The following CENPP variants were observed in gnomAD, a reference collection of about 807,000 sequenced individuals.
CENPP encodes the protein centromere protein P.
A neutral mutation model predicts 35.6 loss-of-function variants in CENPP; 24 were observed. The ratio of observed to expected loss-of-function variants is 0.67; its 90% CI spans 0.49 to 0.95. The LOEUF is 0.95. Ranked by LOEUF, CENPP falls within the 40% of genes least tolerant of loss-of-function variation. The probability of loss-of-function intolerance (pLI) is 0.00; values close to 1 mark genes in which losing one functional copy is unlikely to be tolerated. For missense variants in CENPP, 332 were observed against 345.3 expected, an observed-to-expected ratio of 0.96 and a Z score of 0.31; for synonymous variants, 120 against 125.5, an observed-to-expected ratio of 0.96 and a Z score of 0.29.
At chr9:92,534,093 A>G (rs998912232) in intron 5 of CENPP, among the ~76,000 whole-genome samples, 1 of 152,072 alleles carries the variant, frequency 6.6e-6, no homozygotes, top group African/African-American at 2.4e-5. Flanking sequence ...GTTTTCTCCC[A>G]TGACTGTTCA....
At chr9:92,599,540 C>G (rs984834988) in intron 5 of CENPP, among the ~76,000 whole-genome samples, 25 of 152,260 alleles carry the variant, frequency 1.6e-4, no homozygotes, top group South Asian at 4.2e-4. Flanking sequence ...CCTCAACCTC[C>G]TGAATAGCTG....
Position 92,564,223 on chromosome 9 carries a change from C to T in CENPP, c.565-47091C>T, listed in dbSNP as rs1439792393. On this transcript the variant is annotated intron_variant, in intron 5 of 7. Coordinates refer to ENST00000375587, the MANE Select transcript of CENPP (RefSeq NM_001012267.3). ...CCAACATGGAGATACCCCATCTCTA[C>T]TAAAAACTACAAAAATTTAGCCAGG... Among the ~76,000 whole-genome samples the T allele has an allele frequency of 2.0e-5, 3 of 151,918 alleles. No individual in the cohort carries two copies. The East Asian group carries it at 5.8e-4, about 29-fold the overall frequency.
chr9:92,326,020 G>GT lies in CENPP; in HGVS notation c.23dup (p.Arg9AlafsTer6). On this transcript the variant is annotated frameshift_variant, in exon 1 of 8. Coordinates refer to ENST00000375587, the MANE Select transcript of CENPP (RefSeq NM_001012267.3). LOFTEE classifies it high-confidence loss of function. ...CGCCATGGACGCAGAGCTGGCAGAGGTGCGCGCCTTGCAAGCTGAGATCGC... is the reference window on the plus strand; with the variant it reads ...CGCCATGGACGCAGAGCTGGCAGAGGTTGCGCGCCTTGCAAGCTGAGATCGC... 3 of 1,554,870 alleles carry GT rather than the reference G, an allele frequency of 1.9e-6. No individual in the cohort carries two copies. The highest frequency in any genetic ancestry group is 2.6e-6 in the Non-Finnish European group (3 of 1,149,782).
At chr9:92,334,409 G>A (rs1265335523) in intron 2 of CENPP, among the ~76,000 whole-genome samples, 1 of 152,090 alleles carries the variant, frequency 6.6e-6, no homozygotes, top group African/African-American at 2.4e-5. Flanking sequence ...GTGAGCCCCT[G>A]CGCCTGGCCG....
At chr9:92,486,039 G>T (rs369282218) in intron 5 of CENPP, among the ~76,000 whole-genome samples, 1 of 152,208 alleles carries the variant, frequency 6.6e-6, no homozygotes, top group South Asian at 2.1e-4. Context: ...AAGAAAGGCC[G>T]TCCACCAATC....
chr9:92,565,301 A>G (rs1337088905), intron 5 of CENPP, among the ~76,000 whole-genome samples: 41 of 146,972 alleles, frequency 2.8e-4, no homozygotes, highest in South Asian at 6.4e-4. Flanking sequence ...GCTAAAAAAA[A>G]AAAAAAAAAA....
intron 5 of CENPP, among the ~76,000 whole-genome samples, chr9:92,565,798 C>T (rs1206056696): frequency 1.3e-5 from 2 of 152,036 alleles, no homozygotes; most frequent in African/African-American, 4.8e-5. Flanking sequence ...CACATATGCT[C>T]AGGGAAAGGT....
intron 5 of CENPP, among the ~76,000 whole-genome samples, chr9:92,531,232 G>T (rs987254461): frequency 6.6e-6 from 1 of 151,802 alleles, no homozygotes; most frequent in East Asian, 1.9e-4. Flanking sequence ...TTGTTGCTTG[G>T]TTTTTATTAT....
At position 92,540,951 on chromosome 9, in the gene CENPP, G is replaced by A. The variant is rs567190880; in HGVS notation, c.565-70363G>A. Among the ~76,000 whole-genome samples, 11 of 151,804 alleles carry A rather than the reference G, an allele frequency of 7.2e-5. No homozygotes were observed. The South Asian group carries it at 2.1e-3, about 29-fold the overall frequency. On this transcript the variant is annotated intron_variant, in intron 5 of 7. Transcript: ENST00000375587. ...AAAAGATTTAGAAAGCCAAAAGTTG[G>A]GGATTTTTTCTTTTTTAAAAAATGT... is the stretch of plus-strand genomic sequence containing the variant.
chr9:92,433,576 G>A (rs10115290), intron 5 of CENPP, among the ~76,000 whole-genome samples: 61,022 of 152,072 alleles, frequency 0.4, 14,370 homozygotes, highest in African/African-American at 0.65. Context: ...ATTATTATTT[G>A]TAAAACATCT....
At chr9:92,359,790 CTT>C (rs113627157) in intron 4 of CENPP, among the ~76,000 whole-genome samples, 21 of 137,024 alleles carry the variant, frequency 1.5e-4, no homozygotes, top group Admixed American at 2.2e-4. Flanking sequence ...GGACAGGGTC[CTT>C]TTTTTTTTTT....
chr9:92,352,354 C>T (rs1841470497), intron 4 of CENPP, among the ~76,000 whole-genome samples: 1 of 149,002 alleles, frequency 6.7e-6, no homozygotes, highest in African/African-American at 2.5e-5. Flanking sequence ...GGTGACAGAG[C>T]AAGACATCAT....
chr9:92,605,622 C>CGT (rs1851056810), intron 5 of CENPP, among the ~76,000 whole-genome samples: 1 of 152,120 alleles, frequency 6.6e-6, no homozygotes, highest in Non-Finnish European at 1.5e-5. Context: ...TGGACCCCTA[C>CGT]CTCACACCAT....
At position 92,436,117 on chromosome 9, in the gene CENPP, G is replaced by A. The variant is rs76269721; in HGVS notation, c.564+56258G>A. Among the ~76,000 whole-genome samples, 1,072 of 152,300 alleles carry A rather than the reference G, an allele frequency of 7.0e-3. 11 individuals carry two copies. The highest frequency in any genetic ancestry group is 0.022 in the African/African-American group (901 of 41,562). On this transcript the variant is annotated intron_variant, in intron 5 of 7. Coordinates refer to ENST00000375587, the MANE Select transcript of CENPP (RefSeq NM_001012267.3). ...TTAGCCATTCTAATAGGTATGTAGT[G>A]ATATATTACTGTAGTTTTAATTTGC...
At chr9:92,553,204 G>A (rs1205200562) in intron 5 of CENPP, among the ~76,000 whole-genome samples, 1 of 152,046 alleles carries the variant, frequency 6.6e-6, no homozygotes, top group Admixed American at 6.6e-5. Flanking sequence ...TTGCTTTGTC[G>A]AAGATCAGTT....
intron 5 of CENPP, among the ~76,000 whole-genome samples, chr9:92,477,325 G>T (rs879498355): frequency 1.3e-5 from 2 of 152,142 alleles, no homozygotes; most frequent in Non-Finnish European, 2.9e-5. Flanking sequence ...CTCATTATGT[G>T]TTTTGACTTA....
rs71362382 is a variant in CENPP, at chr9:92,372,099, C to CTTTTTT, written c.468-7637_468-7632dup. Among the ~76,000 whole-genome samples the CTTTTTT allele has an allele frequency of 7.4e-3, 227 of 30,684 alleles. 11 individuals carry two copies. Among genetic ancestry groups the CTTTTTT allele is most frequent in the African/African-American group, 0.018 (127 of 7,218 alleles). 20.1% of individuals were successfully genotyped at this position (30,684 alleles called of 152,430 possible). On this transcript the variant is annotated intron_variant, in intron 4 of 7. Coordinates refer to ENST00000375587, the MANE Select transcript of CENPP (RefSeq NM_001012267.3). Reference sequence around the variant, plus strand: ...AGGTGTAAGCCACCATGCCAGCCATCTTTTTTTTTTTTTTTTTTTTTTTTT... The same window carrying CTTTTTT: ...AGGTGTAAGCCACCATGCCAGCCATCTTTTTTTTTTTTTTTTTTTTTTTTTTTTTTT...
chr9:92,433,801 G>A (rs1262301802), intron 5 of CENPP, among the ~76,000 whole-genome samples: 1 of 152,040 alleles, frequency 6.6e-6, no homozygotes, highest in African/African-American at 2.4e-5. Flanking sequence ...GTACAGTGGT[G>A]CTTGCCTGTA....
In CENPP at chr9:92,617,681, G is replaced by A. The variant is rs745372797; in HGVS notation, c.*4532G>A. ...GGACACTGACCCGCTGGGGGTTACC[G>A]GGGGACCAGCAGCCTCCAAGGGTGC... On this transcript the variant is annotated 3_prime_UTR_variant, in exon 8 of 8. Transcript: ENST00000375587. 19 of 155,920 alleles carry A rather than the reference G, an allele frequency of 1.2e-4. No individual in the cohort carries two copies. The highest frequency in any genetic ancestry group is 5.7e-4 in the East Asian group (3 of 5,266). 9.7% of individuals were successfully genotyped at this position (155,920 alleles called of 1,614,324 possible). A position where few individuals can be genotyped will look rare whatever the true frequency, so the allele number is the denominator to read the frequency against.
Sources: gnomAD v4.1 joint callset for allele counts (sites outside exome capture counted in the v4.1 genomes callset) on GRCh38, gnomAD v4.1.1 for gene constraint, MANE v1.5 for transcripts, NCBI Gene and HGNC (gene_info 2026-07-23, HGNC 2026-07-21) for gene names.